Variants in MTFR1 observed in about 807,000 individuals in gnomAD.
The protein encoded by MTFR1 is chondrocyte protein with a poly-proline region.
A neutral mutation model predicts 38.8 loss-of-function variants in MTFR1; 28 were observed. The observed-to-expected ratio is 0.72, with a 90% CI of 0.53 to 0.99. MTFR1 has a LOEUF of 0.99. Among genes scored for constraint, MTFR1 ranks in the 50% least tolerant of loss-of-function variants. MTFR1 has a pLI of 0.00. For synonymous variants in MTFR1, 145 were observed against 137.0 expected (o/e 1.06, Z -0.41); for missense variants, 358 against 395.5 (o/e 0.91, Z 0.81).
intron 3 of MTFR1, chr8:65,723,622 C>A: frequency 6.5e-7 from 1 of 1,539,474 alleles, no homozygotes; most frequent in South Asian, 1.3e-5. Flanking sequence ...TCTATATCTC[C>A]TATAAATTAA....
chr8:65,670,353 A>G (rs911677403), intron 2 of MTFR1, among the ~76,000 whole-genome samples: 2 of 152,226 alleles, frequency 1.3e-5, no homozygotes, highest in African/African-American at 2.4e-5. Flanking sequence ...TTAATGTTGT[A>G]GAATCATTAA....
chr8:65,677,663 A>G (rs1049427798), intron 2 of MTFR1, among the ~76,000 whole-genome samples: 1 of 149,386 alleles, frequency 6.7e-6, no homozygotes, highest in South Asian at 2.2e-4. Context: ...TACAGGCGTG[A>G]GCCACCACGC....
At chr8:65,644,270 C>T (rs893795055), upstream of MTFR1, among the ~76,000 whole-genome samples, 2 of 152,170 alleles carry the variant, frequency 1.3e-5, no homozygotes, top group Admixed American at 1.3e-4. Flanking sequence ...AATCCCCGCA[C>T]TCCTGCTCTG....
At chr8:65,686,348 G>T (rs1805072446) in intron 3 of MTFR1, among the ~76,000 whole-genome samples, 1 of 152,212 alleles carries the variant, frequency 6.6e-6, no homozygotes, top group East Asian at 1.9e-4. Context: ...AATGCGGGTG[G>T]ATCACCTGAG....
intron 3 of MTFR1, among the ~76,000 whole-genome samples, chr8:65,754,399 C>A (rs926050369): frequency 3.3e-5 from 5 of 151,900 alleles, no homozygotes; most frequent in African/African-American, 4.8e-5. Context: ...CCATCATATA[C>A]CTCCTTTCCC....
At chr8:65,719,132 A>G in intron 2 of MTFR1, 1 of 616,514 alleles carries the variant, frequency 1.6e-6, no homozygotes, top group South Asian at 2.0e-5. Flanking sequence ...AAGTGGGTTC[A>G]AATGATCCAA....
intron 3 of MTFR1, among the ~76,000 whole-genome samples, chr8:65,734,244 G>T (rs934699050): frequency 6.6e-6 from 1 of 152,072 alleles, no homozygotes; most frequent in Non-Finnish European, 1.5e-5. Flanking sequence ...ACTGACTTCT[G>T]TTTCTTTCCC....
chr8:65,662,026 TC>T (rs1809432231), intron 1 of MTFR1, among the ~76,000 whole-genome samples: 1 of 117,132 alleles, frequency 8.5e-6, no homozygotes, highest in South Asian at 4.2e-4. Flanking sequence ...TCTCCCTCTC[TC>T]TCTCCCTCTC....
chr8:65,657,748 C>T (rs1809307756), intron 1 of MTFR1, among the ~76,000 whole-genome samples: 1 of 151,204 alleles, frequency 6.6e-6, no homozygotes, highest in Non-Finnish European at 1.5e-5. Flanking sequence ...GATTGTCTTC[C>T]TCTGAGTGGT....
intron 1 of MTFR1, among the ~76,000 whole-genome samples, chr8:65,662,569 A>G (rs1585750787): frequency 7.6e-6 from 1 of 132,448 alleles, no homozygotes; most frequent in South Asian, 2.4e-4. Flanking sequence ...ATCGTCTGGG[A>G]TGTGAGGAGC....
At chr8:65,766,734 A>C (rs886833005) in intron 3 of MTFR1, among the ~76,000 whole-genome samples, 2 of 152,166 alleles carry the variant, frequency 1.3e-5, no homozygotes, top group Non-Finnish European at 2.9e-5. Context: ...AAGTGCCTCA[A>C]ACTTAAATTT....
chr8:65,722,802 G>A (rs1020287629), intron 3 of MTFR1: 1 of 152,230 alleles, frequency 6.6e-6, no homozygotes, highest in Non-Finnish European at 1.5e-5. Flanking sequence ...ACAACCAAGT[G>A]GATCAGGCAC....
At chr8:65,644,223 A>C (rs1276698586), upstream of MTFR1, among the ~76,000 whole-genome samples, 1 of 152,228 alleles carries the variant, frequency 6.6e-6, no homozygotes, top group Non-Finnish European at 1.5e-5. Context: ...GGAACCGAAC[A>C]TGGTAAAGTA....
intron 3 of MTFR1, among the ~76,000 whole-genome samples, chr8:65,686,416 A>G (rs1157346221): frequency 6.6e-6 from 1 of 151,544 alleles, no homozygotes; most frequent in Non-Finnish European, 1.5e-5. Context: ...TACTAAAAAT[A>G]CAAAAATTAG....
At chr8:65,727,858 C>T (rs1265515367) in intron 3 of MTFR1, 2 of 152,200 alleles carry the variant, frequency 1.3e-5, no homozygotes, top group Non-Finnish European at 2.9e-5. Flanking sequence ...CGGATGGCTA[C>T]ATTCATAACA....
At chr8:65,707,428 A>G (rs1805817258) in intron 6 of MTFR1, among the ~76,000 whole-genome samples, 172 bp downstream of exon 6, 1 of 152,224 alleles carries the variant, frequency 6.6e-6, no homozygotes, top group Non-Finnish European at 1.5e-5. Context: ...TTAGCAAAAT[A>G]AGCTAACATT....
intron 3 of MTFR1, among the ~76,000 whole-genome samples, chr8:65,755,781 T>G (rs559123243): frequency 6.6e-6 from 1 of 152,344 alleles, no homozygotes; most frequent in South Asian, 2.1e-4. Flanking sequence ...AGAACTCCCT[T>G]TAGCATTTCT....
intron 3 of MTFR1, among the ~76,000 whole-genome samples, chr8:65,683,635 G>C (rs1305761033): frequency 6.6e-6 from 1 of 152,196 alleles, no homozygotes; most frequent in African/African-American, 2.4e-5. Flanking sequence ...TAGAAATTCA[G>C]AAGTGCCCAT....
At chr8:65,778,142 C>T in the MTFR1 span, among the ~76,000 whole-genome samples, 3 of 152,198 alleles carry the variant, frequency 2.0e-5, no homozygotes, top group African/African-American at 7.2e-5. Flanking sequence ...CCCTCCATGA[C>T]CCTGAGCAAG....
Sources: gnomAD v4.1 joint callset for allele counts (sites outside exome capture counted in the v4.1 genomes callset) on GRCh38, gnomAD v4.1.1 for gene constraint, MANE v1.5 for transcripts, NCBI Gene and HGNC (gene_info 2026-07-23, HGNC 2026-07-21) for gene names.